Variants in LYZL2 observed in about 807,000 individuals in gnomAD.
LYZL2 encodes lysozyme like 2.
A neutral mutation model predicts 17.1 loss-of-function variants in LYZL2; 13 were observed. The observed-to-expected ratio is 0.76, with a 90% CI of 0.49 to 1.21. The LOEUF (loss-of-function observed/expected upper bound fraction) is 1.21, where lower values mean the gene tolerates loss of function less well. Among genes scored for constraint, LYZL2 ranks in the 50% most tolerant of loss-of-function variants. The pLI, the probability that LYZL2 is intolerant of heterozygous loss-of-function variation, is 0.00. For synonymous variants in LYZL2, 63 were observed against 74.4 expected (o/e 0.85, Z 0.79); for missense variants, 166 against 189.2 (o/e 0.88, Z 0.72).
intron 3 of LYZL2, among the ~76,000 whole-genome samples, chr10:30,622,975 A>G (rs1838648463): frequency 6.6e-6 from 1 of 152,252 alleles, no homozygotes; most frequent in African/African-American, 2.4e-5. Flanking sequence ...CTATACAAAT[A>G]TTTCCTCAAA....
chr10:30,609,306 C>T (rs978268761), downstream of LYZL2, among the ~76,000 whole-genome samples: 2 of 152,156 alleles, frequency 1.3e-5, no homozygotes, highest in Admixed American at 6.5e-5. Flanking sequence ...GCCACGAGTT[C>T]AGAGGCAAGA....
At chr10:30,610,621 C>T (rs965727672), downstream of LYZL2, among the ~76,000 whole-genome samples, 1 of 152,190 alleles carries the variant, frequency 6.6e-6, no homozygotes, top group Non-Finnish European at 1.5e-5. Flanking sequence ...ATTGTAAAGA[C>T]AGAGTCTTGC....
At chr10:30,624,740 G>A (rs892033928) in intron 3 of LYZL2, among the ~76,000 whole-genome samples, 1 of 152,172 alleles carries the variant, frequency 6.6e-6, no homozygotes, top group Non-Finnish European at 1.5e-5. Context: ...TCACTATGGG[G>A]TCTCGCCCAG....
chr10:30,611,152 G>A (rs17295310), downstream of LYZL2, among the ~76,000 whole-genome samples: 15,453 of 152,150 alleles, frequency 0.1, 1,140 homozygotes, highest in Non-Finnish European at 0.14. Flanking sequence ...AAGAAGGGAC[G>A]TTTGTTTCCC....
Position 30,612,816 on chromosome 10 carries a change from T to G in LYZL2, c.377+6A>C, listed in dbSNP as rs760592783. On this transcript the variant is annotated splice_donor_region_variant and intron_variant, in intron 4 of 4. Transcript: ENST00000647634. The stretch of plus-strand genomic sequence containing the variant: ...CAGCCCAAGTCTTCCAAGGAAAGAC[T>G]CTTACCAATAGTTCATTCCTTGTGT... 1 of 1,608,164 alleles carries G rather than the reference T, an allele frequency of 6.2e-7. No homozygotes were observed. The highest frequency in any genetic ancestry group is 1.3e-5 in the African/African-American group (1 of 74,832).
chr10:30,608,756 T>C (rs1016927478), downstream of LYZL2, among the ~76,000 whole-genome samples: 2 of 152,166 alleles, frequency 1.3e-5, no homozygotes, highest in East Asian at 3.8e-4. Context: ...AAAACAAAAA[T>C]GTTCTTAATG....
chr10:30,614,343 C>T (rs1838494782), intron 3 of LYZL2, among the ~76,000 whole-genome samples: 2 of 152,342 alleles, frequency 1.3e-5, no homozygotes, highest in African/African-American at 4.8e-5. Flanking sequence ...CAGCCATGAG[C>T]TCCCGAGTGA....
chr10:30,607,872 T>C (rs1190663784), downstream of LYZL2, among the ~76,000 whole-genome samples: 1 of 152,180 alleles, frequency 6.6e-6, no homozygotes, highest in Admixed American at 6.5e-5. Flanking sequence ...AGTCGGACCC[T>C]TCAAGACAGA....
chr10:30,608,580 G>T (rs541945966), downstream of LYZL2, among the ~76,000 whole-genome samples: 3 of 152,120 alleles, frequency 2.0e-5, no homozygotes, highest in Non-Finnish European at 2.9e-5. Flanking sequence ...GAAGATCCCC[G>T]CAGGGCAGCA....
intron 3 of LYZL2, among the ~76,000 whole-genome samples, chr10:30,625,882 G>A (rs1838693548): frequency 6.6e-6 from 1 of 152,186 alleles, no homozygotes; most frequent in South Asian, 2.1e-4. Context: ...TTAGGGGAGG[G>A]CTTCATAAAA....
downstream of LYZL2, chr10:30,611,714 G>GAAAT (rs1564406055): frequency 2.3e-6 from 1 of 435,520 alleles, no homozygotes; most frequent in African/African-American, 2.9e-5. Context: ...AAGAAAGAAA[G>GAAAT]AAAGAAAGAA....
Position 30,613,591 on chromosome 10 carries a change from T to C in LYZL2, c.299-691A>G, listed in dbSNP as rs139081764. 1.1e-3 allele frequency among the ~76,000 whole-genome samples: 161 copies of C among 152,296 alleles called. 3 individuals carry two copies. The highest frequency in any genetic ancestry group is 3.7e-3 in the African/African-American group (153 of 41,560). On this transcript the variant is annotated intron_variant, in intron 3 of 4. Transcript: ENST00000647634. ...TGTAAGGTTTCTTTACAGGTAAATATTAAATTTTGTCTATTGTCATTTTTC... is the reference window on the plus strand; with the variant it reads ...TGTAAGGTTTCTTTACAGGTAAATACTAAATTTTGTCTATTGTCATTTTTC...
intron 3 of LYZL2, among the ~76,000 whole-genome samples, chr10:30,613,465 C>CTGGG (rs1237600253): frequency 6.7e-6 from 1 of 150,006 alleles, no homozygotes; most frequent in African/African-American, 2.5e-5. Context: ...TCACTGTACT[C>CTGGG]CAGCCTGGGC....
chr10:30,612,507 T>TC lies in LYZL2; in HGVS notation c.377+314dup, dbSNP rs1838460852. Among the ~76,000 whole-genome samples, 6 of 152,254 alleles carry TC rather than the reference T, an allele frequency of 3.9e-5. No homozygotes were observed. The South Asian group carries it at 1.2e-3, about 32-fold the overall frequency. ...TCTAGAGCAAACTCAAGCTTTTTTT[T>TC]CCCTCTGGTGAATTGACTCAATTGA... On this transcript the variant is annotated intron_variant, in intron 4 of 4. Transcript: ENST00000647634.
At chr10:30,619,113 C>A (rs908413323) in intron 3 of LYZL2, among the ~76,000 whole-genome samples, 4 of 152,158 alleles carry the variant, frequency 2.6e-5, no homozygotes, top group East Asian at 1.9e-4. Flanking sequence ...AATGCAAATC[C>A]AAACCACAAT....
chr10:30,608,969 A>G (rs912636517), downstream of LYZL2, among the ~76,000 whole-genome samples: 3 of 152,116 alleles, frequency 2.0e-5, no homozygotes, highest in Non-Finnish European at 4.4e-5. Flanking sequence ...CCTCCTGAGT[A>G]GCTGGAACTA....
At chr10:30,617,436 G>A (rs1292203977) in intron 3 of LYZL2, among the ~76,000 whole-genome samples, 1 of 152,072 alleles carries the variant, frequency 6.6e-6, no homozygotes, top group African/African-American at 2.4e-5. Flanking sequence ...AGCACTTCAG[G>A]AGGCTGAGGC....
chr10:30,612,996 T>A, intron 3 of LYZL2, 96 bp from the exon 4 acceptor site: 4 of 893,816 alleles, frequency 4.5e-6, no homozygotes, highest in Non-Finnish European at 7.2e-6. Context: ...CTTTTTGGGA[T>A]GGGAAGGTTG....
chr10:30,623,300 C>A (rs987686727), intron 3 of LYZL2, among the ~76,000 whole-genome samples: 11 of 152,150 alleles, frequency 7.2e-5, no homozygotes, highest in African/African-American at 2.7e-4. Context: ...ATAAAATACA[C>A]ATTTTTTTTC....
Sources: allele counts gnomAD v4.1 joint callset (sites outside exome capture counted in the v4.1 genomes callset), GRCh38; gene constraint gnomAD v4.1.1; transcripts MANE v1.5; gene names NCBI Gene and HGNC (gene_info 2026-07-23, HGNC 2026-07-21).